Variants in USP33 observed in about 807,000 individuals in gnomAD.
The protein encoded by USP33 is ubiquitin specific peptidase 33.
In USP33, 46 loss-of-function variants were observed where a neutral mutation model predicts 124.2. The observed-to-expected ratio is 0.37, with a 90% CI of 0.29 to 0.47. USP33 has a LOEUF of 0.47. Ranked by LOEUF, USP33 falls within the 20% of genes least tolerant of loss-of-function variation. The pLI, the probability that USP33 is intolerant of heterozygous loss-of-function variation, is 0.99. For synonymous variants in USP33, 350 were observed against 352.3 expected, an observed-to-expected ratio of 0.99 and a Z score of 0.07; for missense variants, 851 against 1,070.6, an observed-to-expected ratio of 0.79 and a Z score of 2.86.
At chr1:77,697,720 C>T (rs1673556419) in intron 23 of USP33, 143 bp downstream of exon 23, 12 of 1,001,618 alleles carry the variant, frequency 1.2e-5, no homozygotes, top group Non-Finnish European at 1.6e-5. Flanking sequence ...AAAAAAGTGG[C>T]TGCTTTTCAT....
intron 17 of USP33, among the ~76,000 whole-genome samples, chr1:77,717,301 A>G (rs1044786234): frequency 6.6e-6 from 1 of 152,114 alleles, no homozygotes; most frequent in Admixed American, 6.5e-5. Context: ...CATCCTGGCT[A>G]ACACGGTGAA....
chr1:77,759,386 C>G (rs1196971749), intron 1 of USP33: 2 of 390,192 alleles, frequency 5.1e-6, no homozygotes, highest in African/African-American at 4.1e-5. Context: ...CCTGAGGACC[C>G]TTCCTCAAAT....
chr1:77,742,170 A>T (rs1319971651), intron 1 of USP33, among the ~76,000 whole-genome samples: 1 of 152,098 alleles, frequency 6.6e-6, no homozygotes, highest in African/African-American at 2.4e-5. Flanking sequence ...AAAAACTTCA[A>T]GTAGAAAGCT....
In USP33 at chr1:77,721,798, C is replaced by T. The variant is rs561439278; in HGVS notation, c.1657+33G>A. 1.9e-5 allele frequency: 30 copies of T among 1,570,980 alleles called. No individual in the cohort carries two copies. The South Asian group carries it at 3.1e-4, about 16-fold the overall frequency. ...CCCACTAGTATTTTAGATTTACCTA[C>T]AAAAATTTAGCCATAGATATTATAT... On this transcript the variant is annotated intron_variant, in intron 14 of 23. Transcript: ENST00000370794.
At chr1:77,723,283 A>T (rs768621232) in intron 12 of USP33, 48 bp downstream of exon 12, 3 of 1,371,482 alleles carry the variant, frequency 2.2e-6, no homozygotes, top group Non-Finnish European at 2.1e-6. Context: ...CATTTTTAAA[A>T]ATCATTTGAC....
chr1:77,735,060 T>C (rs1678276110), intron 6 of USP33, among the ~76,000 whole-genome samples: 1 of 151,940 alleles, frequency 6.6e-6, no homozygotes. Context: ...GAGGCGGAGC[T>C]TGCAGTGAGC....
intron 15 of USP33, among the ~76,000 whole-genome samples, chr1:77,719,815 C>G (rs547366821): frequency 6.8e-6 from 1 of 146,206 alleles, no homozygotes; most frequent in Non-Finnish European, 1.5e-5. Context: ...GATCACACCA[C>G]TGCACTCCAG....
intron 23 of USP33, 185 bp from the exon 24 acceptor site, chr1:77,697,659 A>T (rs1295707244): frequency 1.1e-6 from 1 of 910,364 alleles, no homozygotes; most frequent in African/African-American, 1.7e-5. Flanking sequence ...AAAGTCAGAG[A>T]TGCTTTTGCT....
At chr1:77,744,266 C>T (rs998729880) in intron 1 of USP33, among the ~76,000 whole-genome samples, 3 of 151,990 alleles carry the variant, frequency 2.0e-5, no homozygotes, top group Non-Finnish European at 4.4e-5. Context: ...TAACTGGCAT[C>T]TAATAAAAAA....
chr1:77,758,175 CTT>C (rs1185358841), intron 1 of USP33, among the ~76,000 whole-genome samples: 5,092 of 93,732 alleles, frequency 0.054, 49 homozygotes, highest in African/African-American at 0.15. Context: ...TTGTACTGTC[CTT>C]TTTTTTTTTT....
At chr1:77,750,648 GAAA>G (rs1680227199) in intron 1 of USP33, among the ~76,000 whole-genome samples, 1 of 146,730 alleles carries the variant, frequency 6.8e-6, no homozygotes, top group Non-Finnish European at 1.5e-5. Context: ...AAGAAAGAAA[GAAA>G]GAAAGAAAGA....
At chr1:77,722,950 A>C (rs891631685) in intron 12 of USP33, among the ~76,000 whole-genome samples, 1 of 152,210 alleles carries the variant, frequency 6.6e-6, no homozygotes, top group Non-Finnish European at 1.5e-5. Flanking sequence ...ATATGACCAA[A>C]TGTAAGAGAT....
chr1:77,758,007 A>G (rs901677631), intron 1 of USP33, among the ~76,000 whole-genome samples: 1 of 152,146 alleles, frequency 6.6e-6, no homozygotes, highest in African/African-American at 2.4e-5. Context: ...AACTGCAGTT[A>G]TATAAAAAGA....
At chr1:77,719,176 T>A (rs988292459) in intron 15 of USP33, among the ~76,000 whole-genome samples, 2 of 151,208 alleles carry the variant, frequency 1.3e-5, no homozygotes, top group Non-Finnish European at 3.0e-5. Context: ...CTGGCCAACA[T>A]GGTGAAACCC....
chr1:77,753,782 G>C (rs975193772), intron 1 of USP33, among the ~76,000 whole-genome samples: 3 of 150,266 alleles, frequency 2.0e-5, no homozygotes, highest in Admixed American at 2.0e-4. Flanking sequence ...TTTTGGAGAA[G>C]ATTAATATAT....
intron 10 of USP33, among the ~76,000 whole-genome samples, chr1:77,726,793 T>C (rs55971702): frequency 0.03 from 4,629 of 152,312 alleles, 88 homozygotes; most frequent in Non-Finnish European, 0.045. Context: ...TTTATCTTAC[T>C]ATAATAAAAA....
intron 16 of USP33, 142 bp downstream of exon 16, chr1:77,718,454 A>G: frequency 1.4e-6 from 1 of 729,564 alleles, no homozygotes; most frequent in East Asian, 2.7e-5. Context: ...CAATATTTTA[A>G]AACTGAATAA....
intron 18 of USP33, 53 bp from the exon 19 acceptor site, chr1:77,714,836 G>T: frequency 6.4e-7 from 1 of 1,565,842 alleles, no homozygotes; most frequent in Non-Finnish European, 8.7e-7. Flanking sequence ...TACATTACTA[G>T]TAGATGGATT....
chr1:77,741,678 T>A lies in USP33; in HGVS notation c.20A>T (p.His7Leu). The A allele has an allele frequency of 6.2e-7, 1 of 1,605,750 alleles. No individual in the cohort carries two copies. Among genetic ancestry groups the A allele is most frequent in the Non-Finnish European group, 8.5e-7 (1 of 1,176,918 alleles). The change falls in exon 2 of 24, where the codon CAT (histidine) becomes CTT (leucine). Residue 7 changes from histidine to leucine, a missense_variant. By Grantham distance (99) the His-to-Leu change is moderately conservative (BLOSUM62 -3). This residue lies in a region of USP33 where 221 missense variants were observed against 302.9 expected (regional missense o/e 0.73). Coordinates refer to ENST00000370794, the MANE Select transcript of USP33 (RefSeq NM_201624.3). MSAFRNHCPHLDSVGEI... is the reference protein window; with the variant it reads MSAFRNLCPHLDSVGEI... Reference sequence around the variant, plus strand: ...ACCAACTGAATCCAAATGTGGACAATGATTTCGAAAAGCTGACATTTTGTT... The same window carrying A: ...ACCAACTGAATCCAAATGTGGACAAAGATTTCGAAAAGCTGACATTTTGTT...
Sources: gnomAD v4.1 joint callset for allele counts (sites outside exome capture counted in the v4.1 genomes callset) on GRCh38, gnomAD v4.1.1 for gene constraint, gnomAD v4.1.1 regional missense constraint, MANE v1.5 for transcripts, NCBI Gene and HGNC (gene_info 2026-07-23, HGNC 2026-07-21) for gene names.